The following TYR variants were observed in gnomAD, a reference collection of about 807,000 sequenced individuals.
TYR encodes the protein LB24-AB.
A neutral mutation model predicts 51.5 loss-of-function variants in TYR; 58 were observed. That is an observed-to-expected ratio of 1.13 (90% confidence interval 0.91 to 1.40). TYR has a LOEUF of 1.40. Among genes scored for constraint, TYR ranks in the 40% most tolerant of loss-of-function variants. The probability of loss-of-function intolerance (pLI) is 0.00; values close to 1 mark genes in which losing one functional copy is unlikely to be tolerated. For synonymous variants in TYR, 263 were observed against 235.2 expected (o/e 1.12, Z -1.08); for missense variants, 732 against 647.4 (o/e 1.13, Z -1.42).
At chr11:89,189,107 G>A (rs982787900) in intron 1 of TYR, among the ~76,000 whole-genome samples, 1 of 151,948 alleles carries the variant, frequency 6.6e-6, no homozygotes. Context: ...GTTGAGTTCT[G>A]CTAGACTAGT....
At chr11:89,242,636 T>C (rs1429912034) in intron 3 of TYR, among the ~76,000 whole-genome samples, 2 of 152,180 alleles carry the variant, frequency 1.3e-5, no homozygotes, top group African/African-American at 4.8e-5. Context: ...AATTTTTCCA[T>C]GTAGAACATT....
chr11:89,265,051 G>A (rs1419016770), intron 3 of TYR, among the ~76,000 whole-genome samples: 1 of 151,968 alleles, frequency 6.6e-6, no homozygotes, highest in Non-Finnish European at 1.5e-5. Flanking sequence ...TCAGGCCTCT[G>A]AGAAGCTCAT....
At chr11:89,190,062 T>G (rs191881872) in intron 1 of TYR, among the ~76,000 whole-genome samples, 2 of 152,258 alleles carry the variant, frequency 1.3e-5, no homozygotes, top group Non-Finnish European at 2.9e-5. Context: ...TGTATAAAAG[T>G]CTAGCACATA....
chr11:89,233,797 C>A (rs934533877), intron 3 of TYR, among the ~76,000 whole-genome samples: 1 of 142,690 alleles, frequency 7.0e-6, no homozygotes, highest in Admixed American at 6.9e-5. Context: ...ATGCTGTAAA[C>A]GGATATGCTA....
intron 2 of TYR, among the ~76,000 whole-genome samples, chr11:89,211,345 G>C (rs1230071090): frequency 6.6e-6 from 1 of 151,716 alleles, no homozygotes; most frequent in East Asian, 1.9e-4. Context: ...AAAATCAAAA[G>C]AAAAAAAGAA....
At chr11:89,208,655 G>A (rs1018376932) in intron 2 of TYR, among the ~76,000 whole-genome samples, 14 of 152,106 alleles carry the variant, frequency 9.2e-5, no homozygotes, top group African/African-American at 3.4e-4. Context: ...TGAATCTATG[G>A]ATCATTTACA....
chr11:89,231,202 G>A (rs1488140222), intron 3 of TYR, among the ~76,000 whole-genome samples: 1 of 102,430 alleles, frequency 9.8e-6, no homozygotes, highest in Non-Finnish European at 1.8e-5. Context: ...GGAAGGAATT[G>A]TTGTACTGTT....
chr11:89,235,411 T>A (rs1314700008), intron 3 of TYR, among the ~76,000 whole-genome samples: 1 of 152,146 alleles, frequency 6.6e-6, no homozygotes, highest in Non-Finnish European at 1.5e-5. Context: ...AGGCAAGATA[T>A]ACAATCAAAC....
At chr11:89,223,768 C>T (rs1012413587) in intron 2 of TYR, among the ~76,000 whole-genome samples, 1 of 152,170 alleles carries the variant, frequency 6.6e-6, no homozygotes, top group East Asian at 1.9e-4. Flanking sequence ...AAAATTGTTA[C>T]TATAATAAAA....
chr11:89,281,173 T>C (rs1158615034), intron 3 of TYR, among the ~76,000 whole-genome samples: 1 of 151,688 alleles, frequency 6.6e-6, no homozygotes, highest in Non-Finnish European at 1.5e-5. Context: ...TTTCTATTTA[T>C]TTCCTTGAAA....
intron 3 of TYR, among the ~76,000 whole-genome samples, chr11:89,283,561 C>T (rs918111199): frequency 1.1e-4 from 16 of 151,698 alleles, no homozygotes; most frequent in African/African-American, 3.6e-4. Context: ...GATATTATTA[C>T]TCTTATTTAA....
chr11:89,230,135 A>G (rs552003054), intron 3 of TYR, among the ~76,000 whole-genome samples: 15 of 152,262 alleles, frequency 9.9e-5, no homozygotes, highest in African/African-American at 3.4e-4. Flanking sequence ...TTCAAAATAT[A>G]CTACAAAACT....
At chr11:89,230,932 G>A (rs907578530) in intron 3 of TYR, among the ~76,000 whole-genome samples, 3 of 151,166 alleles carry the variant, frequency 2.0e-5, no homozygotes, top group Admixed American at 2.0e-4. Flanking sequence ...AGGGACTTTA[G>A]GAAGCCAAGG....
At chr11:89,201,390 C>A (rs1943597086) in intron 2 of TYR, among the ~76,000 whole-genome samples, 1 of 152,124 alleles carries the variant, frequency 6.6e-6, no homozygotes, top group Non-Finnish European at 1.5e-5. Flanking sequence ...CAGCTCTCAA[C>A]ACAAATAATG....
At chr11:89,214,582 T>C (rs751814455) in intron 2 of TYR, among the ~76,000 whole-genome samples, 4 of 152,198 alleles carry the variant, frequency 2.6e-5, no homozygotes, top group Non-Finnish European at 5.9e-5. Context: ...CATGCACGTG[T>C]ATGTTTATTG....
intron 4 of TYR, among the ~76,000 whole-genome samples, chr11:89,287,737 C>T (rs560965694): frequency 1.1e-4 from 17 of 151,790 alleles, no homozygotes; most frequent in Non-Finnish European, 2.4e-4. Flanking sequence ...TTTGAATTTT[C>T]AAAAGATTAT....
intron 2 of TYR, among the ~76,000 whole-genome samples, chr11:89,215,974 AAAT>A (rs1420543123): frequency 6.6e-6 from 1 of 152,202 alleles, no homozygotes; most frequent in Admixed American, 6.5e-5. Context: ...ATAATGAAGA[AAAT>A]AATTTTTAGG....
chr11:89,195,407 G>T (rs1208268159), intron 2 of TYR, among the ~76,000 whole-genome samples: 1 of 152,120 alleles, frequency 6.6e-6, no homozygotes, highest in Non-Finnish European at 1.5e-5. Context: ...GGCCGGGTGT[G>T]GTGGCTCACG....
intron 3 of TYR, among the ~76,000 whole-genome samples, chr11:89,239,902 T>C (rs970824910): frequency 3.9e-5 from 6 of 152,236 alleles, no homozygotes; most frequent in African/African-American, 1.4e-4. Context: ...TCAGAAAAGA[T>C]ACTTGATTAT....
Sources: allele counts gnomAD v4.1 joint callset (sites outside exome capture counted in the v4.1 genomes callset), GRCh38; gene constraint gnomAD v4.1.1; transcripts MANE v1.5; gene names NCBI Gene and HGNC (gene_info 2026-07-23, HGNC 2026-07-21).